The following PTPRK variants were observed in gnomAD, a reference collection of about 807,000 sequenced individuals.
PTPRK encodes receptor-type tyrosine-protein phosphatase kappa.
A neutral mutation model predicts 178.0 loss-of-function variants in PTPRK; 75 were observed. The observed-to-expected ratio is 0.42, with a 90% CI of 0.35 to 0.51. PTPRK has a LOEUF of 0.51. Among genes scored for constraint, PTPRK ranks in the 20% least tolerant of loss-of-function variants. The pLI is 0.02. For missense variants in PTPRK, 1,441 were observed against 1,797.8 expected (o/e 0.80, Z 3.59); for synonymous variants, 637 against 620.6 (o/e 1.03, Z -0.39).
At chr6:128,305,709 T>A (rs1210785961) in intron 3 of PTPRK, among the ~76,000 whole-genome samples, 1 of 152,206 alleles carries the variant, frequency 6.6e-6, no homozygotes, top group African/African-American at 2.4e-5. Context: ...TTTGCCATAA[T>A]AAAATTAATA....
At chr6:128,260,005 G>T (rs186063075) in intron 3 of PTPRK, among the ~76,000 whole-genome samples, 85 of 152,194 alleles carry the variant, frequency 5.6e-4, no homozygotes, top group Admixed American at 5.6e-3. Flanking sequence ...TCTTGGGGGA[G>T]AAATTGAATG....
chr6:128,376,909 C>T (rs139750263), intron 2 of PTPRK, among the ~76,000 whole-genome samples: 81 of 152,310 alleles, frequency 5.3e-4, no homozygotes, highest in African/African-American at 1.9e-3. Context: ...ACAAGTTCCT[C>T]ATCTCCATCT....
At chr6:128,465,617 G>A (rs1251228571) in intron 1 of PTPRK, among the ~76,000 whole-genome samples, 1 of 152,126 alleles carries the variant, frequency 6.6e-6, no homozygotes. Flanking sequence ...AAATGAAAAT[G>A]CAGGCCTTTT....
At chr6:127,970,909 C>T (rs1263606564) in intron 29 of PTPRK, among the ~76,000 whole-genome samples, 1 of 151,664 alleles carries the variant, frequency 6.6e-6, no homozygotes, top group East Asian at 1.9e-4. Flanking sequence ...TATAATGCTA[C>T]AGTGATAAAC....
intron 3 of PTPRK, among the ~76,000 whole-genome samples, chr6:128,295,075 T>C (rs929512781): frequency 1.3e-5 from 2 of 152,090 alleles, no homozygotes; most frequent in African/African-American, 4.8e-5. Context: ...GTCAGTAATA[T>C]GTGATTCTCT....
intron 7 of PTPRK, among the ~76,000 whole-genome samples, chr6:128,101,128 A>G (rs751699691): frequency 1.3e-4 from 20 of 152,196 alleles, no homozygotes; most frequent in Admixed American, 9.2e-4. Flanking sequence ...AAGAATAGTA[A>G]ACAAAGAAGT....
chr6:128,436,199 G>C (rs1845578832), intron 1 of PTPRK, among the ~76,000 whole-genome samples: 1 of 152,048 alleles, frequency 6.6e-6, no homozygotes, highest in Non-Finnish European at 1.5e-5. Flanking sequence ...CTGGTAGATA[G>C]TTTAAATTTC....
intron 2 of PTPRK, among the ~76,000 whole-genome samples, chr6:128,360,025 T>G (rs971368088): frequency 5.3e-5 from 8 of 152,182 alleles, no homozygotes; most frequent in Non-Finnish European, 1.2e-4. Flanking sequence ...AATAAATATC[T>G]ATTTCAAAAT....
intron 2 of PTPRK, among the ~76,000 whole-genome samples, chr6:128,370,151 A>G (rs1836065229): frequency 6.6e-6 from 1 of 152,096 alleles, no homozygotes; most frequent in Non-Finnish European, 1.5e-5. Flanking sequence ...TTTTTAAAAT[A>G]AGTATTAAAA....
intron 3 of PTPRK, chr6:128,320,923 A>G (rs1828699706): frequency 1.3e-5 from 2 of 152,168 alleles, no homozygotes; most frequent in African/African-American, 4.8e-5. Context: ...ACTTGTATCT[A>G]ATGAAAATCC....
chr6:128,148,252 AT>A (rs1796768949), intron 7 of PTPRK, among the ~76,000 whole-genome samples: 1 of 152,154 alleles, frequency 6.6e-6, no homozygotes, highest in African/African-American at 2.4e-5. Context: ...GATGAGGAGA[AT>A]ACATTTTACT....
chr6:128,183,965 T>C (rs905346440), intron 7 of PTPRK, among the ~76,000 whole-genome samples: 6 of 152,266 alleles, frequency 3.9e-5, no homozygotes, highest in African/African-American at 1.2e-4. Context: ...CTGAAGAAAA[T>C]AGTTATCTCA....
rs909206606 is a variant in PTPRK at position 128,346,765 on chromosome 6, T to C, written c.224-24455A>G. ...AGCCCCTTCATCTGTCAAACAGAGA[T>C]AATACAGCCTGCCTCATAGGATTAC... On this transcript the variant is annotated intron_variant, in intron 2 of 29. Coordinates refer to ENST00000368226, the MANE Select transcript of PTPRK (RefSeq NM_002844.4). Among the ~76,000 whole-genome samples the C allele has an allele frequency of 2.0e-5, 3 of 152,194 alleles. No individual in the cohort carries two copies. In the East Asian group the frequency reaches 5.8e-4, roughly 29 times the overall value.
chr6:128,245,703 A>ATT (rs1815334713), intron 3 of PTPRK, among the ~76,000 whole-genome samples: 1 of 152,242 alleles, frequency 6.6e-6, no homozygotes, highest in African/African-American at 2.4e-5. Flanking sequence ...ATGTGTGTGC[A>ATT]TATGATTTAC....
intron 1 of PTPRK, among the ~76,000 whole-genome samples, chr6:128,512,710 A>ATAAT (rs1857370126): frequency 6.6e-6 from 1 of 152,234 alleles, no homozygotes. Context: ...CTATTACATC[A>ATAAT]TAATTTTTCT....
intron 13 of PTPRK, among the ~76,000 whole-genome samples, chr6:128,046,845 G>T (rs1778107334): frequency 1.3e-5 from 2 of 152,150 alleles, no homozygotes; most frequent in African/African-American, 2.4e-5. Flanking sequence ...TAAACGCATG[G>T]AGTACAACCA....
At chr6:128,101,154 A>C (rs1037868272) in intron 7 of PTPRK, among the ~76,000 whole-genome samples, 3 of 152,080 alleles carry the variant, frequency 2.0e-5, no homozygotes, top group Admixed American at 2.0e-4. Context: ...AAAGTGTAAA[A>C]GAACTGGGAG....
chr6:128,264,060 C>A (rs1818582513), intron 3 of PTPRK, among the ~76,000 whole-genome samples: 1 of 152,122 alleles, frequency 6.6e-6, no homozygotes, highest in African/African-American at 2.4e-5. Context: ...AAAAGCCATA[C>A]CCATCAGTGG....
chr6:128,132,717 A>G (rs1371410343), intron 7 of PTPRK, among the ~76,000 whole-genome samples: 2 of 152,354 alleles, frequency 1.3e-5, no homozygotes, highest in East Asian at 1.9e-4. Context: ...TATCCTCCAC[A>G]AAATTATTCC....
Sources: gnomAD v4.1 joint callset for allele counts (sites outside exome capture counted in the v4.1 genomes callset) on GRCh38, gnomAD v4.1.1 for gene constraint, MANE v1.5 for transcripts, NCBI Gene and HGNC (gene_info 2026-07-23, HGNC 2026-07-21) for gene names.